The following NFASC variants were observed in gnomAD, a reference collection of about 807,000 sequenced individuals.
NFASC encodes the protein neurofascin homolog.
NFASC carries 43 observed loss-of-function variants against 147.5 expected under a neutral mutation model. The observed-to-expected ratio is 0.29, with a 90% CI of 0.23 to 0.38. The LOEUF is 0.38. Ranked by LOEUF, NFASC falls within the 10% of genes least tolerant of loss-of-function variation. The pLI is 1.00. For missense variants in NFASC, 1,320 were observed against 1,689.0 expected, an observed-to-expected ratio of 0.78 and a Z score of 3.83; for synonymous variants, 622 against 665.5, an observed-to-expected ratio of 0.93 and a Z score of 1.01.
At chr1:205,012,003 C>T (rs755813077) in intron 28 of NFASC, among the ~76,000 whole-genome samples, 6 of 152,100 alleles carry the variant, frequency 3.9e-5, no homozygotes, top group East Asian at 3.9e-4. Context: ...CGCTTGAACC[C>T]GGGAGGCAGA....
At chr1:204,930,275 G>T (rs2092245030) in intron 2 of NFASC, among the ~76,000 whole-genome samples, 1 of 152,156 alleles carries the variant, frequency 6.6e-6, no homozygotes, top group African/African-American at 2.4e-5. Context: ...GGAGATTTGA[G>T]AAAGAAAGAT....
At chr1:204,973,208 A>C (rs986582921) in intron 11 of NFASC, 68 bp from the exon 12 acceptor site, 30 of 1,570,350 alleles carry the variant, frequency 1.9e-5, no homozygotes, top group Non-Finnish European at 2.3e-5. Flanking sequence ...AGCCCTGGCC[A>C]GAGCCCCAAG....
intron 8 of NFASC, among the ~76,000 whole-genome samples, chr1:204,964,931 T>C (rs1365524698): frequency 1.3e-5 from 2 of 152,208 alleles, no homozygotes. Flanking sequence ...TCGTTGGACC[T>C]TTAAGGCCAA....
At chr1:204,925,731 A>G (rs1272858158) in intron 2 of NFASC, among the ~76,000 whole-genome samples, 2 of 152,152 alleles carry the variant, frequency 1.3e-5, no homozygotes, top group African/African-American at 4.8e-5. Context: ...CTTTAGGACT[A>G]TGGTCTGTTG....
At chr1:204,848,874 C>T (rs758949749) in intron 1 of NFASC, among the ~76,000 whole-genome samples, 6 of 152,192 alleles carry the variant, frequency 3.9e-5, no homozygotes, top group Non-Finnish European at 8.8e-5. Context: ...ATCCCTACCC[C>T]AGCTGTTAAT....
chr1:204,968,794 C>G lies in NFASC; in HGVS notation c.819-4C>G, dbSNP rs771305961. Reference sequence around the variant, plus strand: ...ACTTGTTTCCTGCTTGGCGCCTCTCCTAGCCCAACACCAGACATCGCATGG... The same window carrying G: ...ACTTGTTTCCTGCTTGGCGCCTCTCGTAGCCCAACACCAGACATCGCATGG... On this transcript the variant is annotated splice_region_variant and splice_polypyrimidine_tract_variant and intron_variant, in intron 9 of 29. Coordinates refer to ENST00000339876, the MANE Select transcript of NFASC (RefSeq NM_001005388.3). This position sits in a 1 kb window ranked among gnomAD's most constrained non-coding sequence, Gnocchi z 5.4. The G allele has an allele frequency of 2.5e-6, 4 of 1,611,324 alleles. No homozygotes were observed. The South Asian group carries it at 3.3e-5, about 13-fold the overall frequency.
At chr1:204,993,625 A>C (rs976018236) in intron 24 of NFASC, 2 of 368,904 alleles carry the variant, frequency 5.4e-6, no homozygotes, top group South Asian at 3.6e-5. Context: ...GCCGAAGCCC[A>C]CTCAGGATCC....
chr1:204,917,530 C>T (rs1385993573), intron 1 of NFASC, among the ~76,000 whole-genome samples: 1 of 152,140 alleles, frequency 6.6e-6, no homozygotes, highest in African/African-American at 2.4e-5. Flanking sequence ...TGAGGCATTT[C>T]CCTGACATCC....
At chr1:204,932,464 A>G (rs899698874) in intron 2 of NFASC, among the ~76,000 whole-genome samples, 3 of 152,172 alleles carry the variant, frequency 2.0e-5, no homozygotes, top group Non-Finnish European at 2.9e-5. Flanking sequence ...TGAACAGGAC[A>G]CGGTGTCAGC....
chr1:204,920,628 A>G lies in NFASC; in HGVS notation c.-199-4A>G, dbSNP rs1402365639. 2 of 1,280,378 alleles carry G rather than the reference A, an allele frequency of 1.6e-6. No homozygotes were observed. Among genetic ancestry groups the G allele is most frequent in the Admixed American group, 4.6e-5 (2 of 43,422 alleles). 79.3% of individuals were successfully genotyped at this position (1,280,378 alleles called of 1,614,324 possible). A position where few individuals can be genotyped will look rare whatever the true frequency, so the allele number is the denominator to read the frequency against. ...GGGTTCTCCTTTGTGCTTGCTTGAG[A>G]CAGGTTGATTGACTTATGTGCAATT... On this transcript the variant is annotated splice_region_variant and splice_polypyrimidine_tract_variant and intron_variant, in intron 1 of 29. Transcript: ENST00000339876.
chr1:204,848,771 T>C (rs1315536054), intron 1 of NFASC, among the ~76,000 whole-genome samples: 1 of 152,222 alleles, frequency 6.6e-6, no homozygotes, highest in East Asian at 1.9e-4. Context: ...ACAGGGGTCA[T>C]GGAGAGCTCG....
At chr1:204,908,339 A>AT (rs1009166837) in intron 1 of NFASC, among the ~76,000 whole-genome samples, 31 of 151,576 alleles carry the variant, frequency 2.0e-4, no homozygotes, top group African/African-American at 6.3e-4. Flanking sequence ...GTGGTAGTAG[A>AT]TTTTTTTTTC....
At chr1:204,959,559 TC>T (rs2094571970) in intron 8 of NFASC, among the ~76,000 whole-genome samples, 2 of 152,136 alleles carry the variant, frequency 1.3e-5, no homozygotes, top group South Asian at 4.1e-4. Context: ...AGCAGGGATG[TC>T]AAGAACAAGA....
intron 1 of NFASC, among the ~76,000 whole-genome samples, chr1:204,905,366 T>G (rs998859417): frequency 7.3e-6 from 1 of 137,556 alleles, no homozygotes; most frequent in African/African-American, 2.8e-5. Context: ...TTTTGTTATT[T>G]TCAGTTTTTT....
rs560707191 is a variant in NFASC, at chr1:204,850,358, T to C, written c.-200+21576T>C. Among the ~76,000 whole-genome samples the C allele has an allele frequency of 5.9e-5, 9 of 152,324 alleles. No individual in the cohort carries two copies. In the East Asian group the frequency reaches 1.5e-3, roughly 26 times the overall value. ...GAACAGACTGGACTCTCCTTGTGTA[T>C]AAGGTGTGAGGAGCTAGAGGAGACA... On this transcript the variant is annotated intron_variant, in intron 1 of 29. Transcript: ENST00000339876.
At chr1:204,944,454 G>GT in intron 3 of NFASC, 48 bp downstream of exon 3, 8 of 982,554 alleles carry the variant, frequency 8.1e-6, no homozygotes, top group East Asian at 2.8e-5. Flanking sequence ...ATTTTGGGCA[G>GT]AGGGGTGGGA....
chr1:204,978,632 A>T (rs1326952385), intron 17 of NFASC, among the ~76,000 whole-genome samples: 1 of 152,202 alleles, frequency 6.6e-6, no homozygotes, highest in Non-Finnish European at 1.5e-5. Flanking sequence ...GGGTCTGATG[A>T]CGGGTGGCAT....
chr1:204,870,694 G>A, intron 1 of NFASC: 2 of 1,086,000 alleles, frequency 1.8e-6, no homozygotes, highest in Non-Finnish European at 2.2e-6. Flanking sequence ...AGCCGGCCGA[G>A]GGAGGGGTGA....
At chr1:204,938,589 C>G (rs1025225435) in intron 2 of NFASC, among the ~76,000 whole-genome samples, 1 of 152,338 alleles carries the variant, frequency 6.6e-6, no homozygotes, top group East Asian at 1.9e-4. Flanking sequence ...ACCAGGCAGT[C>G]TAACCATGCA....
Sources: gnomAD v4.1 joint callset for allele counts (sites outside exome capture counted in the v4.1 genomes callset) on GRCh38, gnomAD v4.1.1 for gene constraint, Gnocchi (gnomAD v3.1) non-coding constraint, MANE v1.5 for transcripts, NCBI Gene and HGNC (gene_info 2026-07-23, HGNC 2026-07-21) for gene names.